Variants in GANC observed in about 807,000 individuals in gnomAD.
GANC encodes glucosidase alpha, neutral C.
Under a neutral mutation model 124.2 loss-of-function variants are expected in GANC, and 117 were observed. The ratio of observed to expected loss-of-function variants is 0.94; its 90% CI spans 0.81 to 1.10. GANC has a LOEUF of 1.10. Ranked by LOEUF, GANC falls within the 50% of genes least tolerant of loss-of-function variation. The pLI is 0.00. For missense variants in GANC, 1,140 were observed against 1,095.0 expected (o/e 1.04, Z -0.58); for synonymous variants, 377 against 376.8 (o/e 1.00, Z -0.01).
chr15:42,342,633 A>T (rs943028410), intron 18 of GANC, among the ~76,000 whole-genome samples: 2 of 152,050 alleles, frequency 1.3e-5, no homozygotes, highest in African/African-American at 4.8e-5. Context: ...CTCTCTGATG[A>T]TAACTCCAAG....
At chr15:42,350,551 C>CTTTTT (rs1265729419) in intron 22 of GANC, among the ~76,000 whole-genome samples, 2 of 123,354 alleles carry the variant, frequency 1.6e-5, no homozygotes, top group African/African-American at 6.3e-5. Flanking sequence ...ACAGAGTTGT[C>CTTTTT]TTTTTTTTTT....
chr15:42,287,213 A>G (rs1421140695), intron 3 of GANC, among the ~76,000 whole-genome samples: 3 of 152,176 alleles, frequency 2.0e-5, no homozygotes, highest in East Asian at 1.9e-4. Flanking sequence ...GAGAACTCCA[A>G]TGATCATCAT....
chr15:42,293,453 G>A (rs372119627), intron 5 of GANC, among the ~76,000 whole-genome samples: 3 of 152,034 alleles, frequency 2.0e-5, no homozygotes, highest in South Asian at 2.1e-4. Context: ...GATAATAAAC[G>A]TATTATATGA....
At position 42,329,329 on chromosome 15, in the gene GANC, T is replaced by G; in HGVS notation, c.1524T>G (p.Leu508=). The G allele has an allele frequency of 6.2e-7, 1 of 1,613,832 alleles. No homozygotes were observed. Among genetic ancestry groups the G allele is most frequent in the Non-Finnish European group, 8.5e-7 (1 of 1,179,852 alleles). ...VYQGSTDILF[L]WNDMNEPSVF... is the part of the protein sequence containing the mutation. ...AGGGATCTACGGACATCCTCTTCCTTTGGAATGACATGAATGAGCCTTCTG... is the reference window on the plus strand; with the variant it reads ...AGGGATCTACGGACATCCTCTTCCTGTGGAATGACATGAATGAGCCTTCTG... The change falls in exon 14 of 24, where the codon CTT becomes CTG. Residue 508 remains leucine (L), a synonymous_variant. Coordinates refer to ENST00000318010, the MANE Select transcript of GANC (RefSeq NM_198141.3).
At chr15:42,297,817 G>A (rs959160867) in intron 6 of GANC, among the ~76,000 whole-genome samples, 161 bp downstream of exon 6, 32 of 110,032 alleles carry the variant, frequency 2.9e-4, no homozygotes, top group Non-Finnish European at 6.1e-4. Context: ...TTGTCATCTC[G>A]TTGATTCATT....
intron 3 of GANC, chr15:42,283,909 G>C (rs1445711106): frequency 1.0e-5 from 7 of 702,512 alleles, no homozygotes; most frequent in South Asian, 1.5e-5. Flanking sequence ...CCCAGCGTGA[G>C]GTTGCCAGTA....
intron 6 of GANC, among the ~76,000 whole-genome samples, chr15:42,304,849 A>C (rs2051978101): frequency 6.6e-6 from 1 of 152,230 alleles, no homozygotes. Context: ...ACCTGACAAA[A>C]GCAATGGGGA....
At chr15:42,306,147 C>G (rs1339835379) in intron 6 of GANC, among the ~76,000 whole-genome samples, 1 of 152,044 alleles carries the variant, frequency 6.6e-6, no homozygotes, top group Non-Finnish European at 1.5e-5. Context: ...CTGCCTCAGC[C>G]TCCTGAGTAG....
Position 42,273,234 on chromosome 15 carries a change from G to A in GANC, c.-1248G>A, listed in dbSNP as rs374934765. The A allele has an allele frequency of 2.2e-5, 36 of 1,612,858 alleles. No homozygotes were observed. The highest frequency in any genetic ancestry group is 2.7e-5 in the Non-Finnish European group (32 of 1,179,468). The stretch of plus-strand genomic sequence containing the variant: ...ACCCCTTGCTCCTCTAGGTTCAGAC[G>A]TTAGTGAAGTGAATACTCACCGACG... On this transcript the variant is annotated 5_prime_UTR_variant, in exon 1 of 24. Coordinates refer to ENST00000318010, the MANE Select transcript of GANC (RefSeq NM_198141.3).
In GANC at chr15:42,295,683, C is replaced by T. The variant is rs796424176; in HGVS notation, c.513-1928C>T. ...ACACACACACACACACACACACACA[C>T]ACACAGCGTGAACAAAATTAAAAGT... On this transcript the variant is annotated intron_variant, in intron 5 of 23. Transcript: ENST00000318010. Among the ~76,000 whole-genome samples the T allele has an allele frequency of 6.4e-4, 74 of 114,784 alleles. 1 individual carries two copies. The South Asian group carries it at 0.019, about 30-fold the overall frequency. The allele number at this position is 114,784 out of a possible 152,430, so 75.3% of individuals were successfully genotyped here. A position where few individuals can be genotyped will look rare whatever the true frequency, so the allele number is the denominator to read the frequency against.
intron 10 of GANC, among the ~76,000 whole-genome samples, chr15:42,317,641 T>C (rs1005159990): frequency 4.1e-5 from 6 of 146,618 alleles, no homozygotes; most frequent in Non-Finnish European, 7.5e-5. Flanking sequence ...ATGGGTAAAT[T>C]GCATGGTACG....
chr15:42,296,654 A>G lies in GANC; in HGVS notation c.513-957A>G, dbSNP rs1439870910. On this transcript the variant is annotated intron_variant, in intron 5 of 23. Transcript: ENST00000318010. The stretch of plus-strand genomic sequence containing the variant: ...GTAATCTACCCGCATTGGCCTCCCA[A>G]AGTGCCCATATTACAGGTGTGAGCT... Among the ~76,000 whole-genome samples the G allele has an allele frequency of 2.0e-5, 3 of 152,142 alleles. No homozygotes were observed. In the East Asian group the frequency reaches 5.8e-4, roughly 29 times the overall value.
At chr15:42,315,551 T>A (rs2052094334) in intron 10 of GANC, among the ~76,000 whole-genome samples, 1 of 152,198 alleles carries the variant, frequency 6.6e-6, no homozygotes, top group Non-Finnish European at 1.5e-5. Flanking sequence ...TGTAAAATGG[T>A]TCAGCCATTG....
chr15:42,277,307 G>A (rs2051681088), intron 2 of GANC, among the ~76,000 whole-genome samples: 1 of 152,130 alleles, frequency 6.6e-6, no homozygotes, highest in African/African-American at 2.4e-5. Flanking sequence ...AAGGCAGGCG[G>A]ATCACCTGAG....
At chr15:42,340,488 C>T (rs1225799517) in intron 17 of GANC, among the ~76,000 whole-genome samples, 1 of 151,730 alleles carries the variant, frequency 6.6e-6, no homozygotes, top group African/African-American at 2.4e-5. Flanking sequence ...CCTGTAATCC[C>T]AGCTACTTGG....
At chr15:42,307,316 G>T (rs1164778934) in intron 7 of GANC, among the ~76,000 whole-genome samples, 1 of 149,412 alleles carries the variant, frequency 6.7e-6, no homozygotes, top group Middle Eastern at 3.2e-3. Flanking sequence ...CCTCCTTTCT[G>T]TAACATCATC....
intron 10 of GANC, among the ~76,000 whole-genome samples, chr15:42,316,950 G>A (rs964499817): frequency 3.3e-5 from 5 of 151,994 alleles, no homozygotes; most frequent in South Asian, 2.1e-4. Flanking sequence ...TATTAGTAAT[G>A]CAACAAAGAG....
intron 3 of GANC, chr15:42,284,527 T>C (rs1396018218): frequency 1.3e-5 from 2 of 154,880 alleles, no homozygotes; most frequent in East Asian, 3.8e-4. Flanking sequence ...AGTAAAGGTA[T>C]GTGAAAAACT....
chr15:42,277,331 G>C (rs2051681348), intron 2 of GANC, among the ~76,000 whole-genome samples: 1 of 152,046 alleles, frequency 6.6e-6, no homozygotes. Context: ...GGGAGTTTGA[G>C]ACCAGCCTGA....
Sources: gnomAD v4.1 joint callset for allele counts (sites outside exome capture counted in the v4.1 genomes callset) on GRCh38, gnomAD v4.1.1 for gene constraint, MANE v1.5 for transcripts, NCBI Gene and HGNC (gene_info 2026-07-23, HGNC 2026-07-21) for gene names.